The following RGS6 variants were observed in gnomAD, a reference collection of about 807,000 sequenced individuals.
The protein encoded by RGS6 is regulator of G-protein signaling 6.
RGS6 carries 30 observed loss-of-function variants against 78.5 expected under a neutral mutation model. The ratio of observed to expected loss-of-function variants is 0.38; its 90% CI spans 0.29 to 0.52. The LOEUF (loss-of-function observed/expected upper bound fraction) is 0.52, where lower values mean the gene tolerates loss of function less well. Among genes scored for constraint, RGS6 ranks in the 20% least tolerant of loss-of-function variants. The pLI is 0.85. For missense variants in RGS6, 495 were observed against 609.7 expected (o/e 0.81, Z 1.98); for synonymous variants, 206 against 206.0 (o/e 1.00, Z 0.00).
At chr14:72,027,491 GCCCA>G (rs990778945) in intron 2 of RGS6, among the ~76,000 whole-genome samples, 2 of 152,076 alleles carry the variant, frequency 1.3e-5, no homozygotes, top group African/African-American at 4.8e-5. Context: ...TACCAAATCT[GCCCA>G]CCCTCTTCCA....
intron 2 of RGS6, among the ~76,000 whole-genome samples, chr14:72,041,924 A>G (rs1340218700): frequency 6.6e-6 from 1 of 152,114 alleles, no homozygotes; most frequent in Non-Finnish European, 1.5e-5. Context: ...GGGTCAGTAG[A>G]TAAGATTCCA....
chr14:72,353,943 C>A (rs1359396441), intron 3 of RGS6, among the ~76,000 whole-genome samples: 1 of 151,860 alleles, frequency 6.6e-6, no homozygotes, highest in African/African-American at 2.4e-5. Context: ...GAGATCGTGC[C>A]ACTGCACTCC....
At chr14:72,137,829 T>C (rs2096469740) in intron 2 of RGS6, among the ~76,000 whole-genome samples, 1 of 152,174 alleles carries the variant, frequency 6.6e-6, no homozygotes, top group Non-Finnish European at 1.5e-5. Flanking sequence ...TTTTGGGTTT[T>C]TATGGAGGCT....
chr14:72,474,821 A>G (rs112678266), intron 10 of RGS6, 122 bp downstream of exon 10: 51 of 806,012 alleles, frequency 6.3e-5, no homozygotes, highest in African/African-American at 4.6e-4. Context: ...AACCATAACC[A>G]TTTCACAAAT....
chr14:72,188,155 C>T (rs1031009079), intron 2 of RGS6, among the ~76,000 whole-genome samples: 7 of 151,976 alleles, frequency 4.6e-5, no homozygotes, highest in South Asian at 2.1e-4. Flanking sequence ...AGATAAGCTT[C>T]GTCCAGGCCT....
At chr14:71,890,393 A>AGATAGAGAGAGAGAG in the RGS6 span, among the ~76,000 whole-genome samples, 1 of 151,094 alleles carries the variant, frequency 6.6e-6, no homozygotes. Context: ...AGAGAGAGAG[A>AGATAGAGAGAGAGAG]AATCTTGTCT....
chr14:72,068,004 G>C (rs188860246), intron 2 of RGS6, among the ~76,000 whole-genome samples: 14 of 152,272 alleles, frequency 9.2e-5, no homozygotes, highest in African/African-American at 3.1e-4. Flanking sequence ...CATTGCTGTA[G>C]TATTATATTG....
chr14:72,209,731 C>T (rs528329440), intron 2 of RGS6, among the ~76,000 whole-genome samples: 23 of 152,284 alleles, frequency 1.5e-4, no homozygotes, highest in South Asian at 8.3e-4. Context: ...CTTCTCCTTT[C>T]GTTCAGGGAG....
chr14:72,266,429 A>T lies in RGS6; in HGVS notation c.85-85666A>T, dbSNP rs2059083180. Among the ~76,000 whole-genome samples the T allele has an allele frequency of 5.9e-5, 9 of 152,256 alleles. No individual in the cohort carries two copies. In the South Asian group the frequency reaches 1.9e-3, roughly 32 times the overall value. On this transcript the variant is annotated intron_variant, in intron 2 of 17. Coordinates refer to ENST00000553525, the MANE Select transcript of RGS6 (RefSeq NM_001204424.2). ...GGTTGCACAGTTATGCCGTCCTCCC[A>T]GTTTTTACCTAGCCCCCACCTCTCT...
intron 2 of RGS6, among the ~76,000 whole-genome samples, chr14:72,187,379 A>G (rs367997953): frequency 6.6e-6 from 1 of 152,148 alleles, no homozygotes; most frequent in South Asian, 2.1e-4. Flanking sequence ...CTATTCCTCT[A>G]CAAAGCTCAG....
At chr14:72,539,094 T>A (rs145912276) in intron 16 of RGS6, among the ~76,000 whole-genome samples, 164 of 152,304 alleles carry the variant, frequency 1.1e-3, no homozygotes, top group Non-Finnish European at 2.0e-3. Context: ...GCGGTCATTC[T>A]ACTCTCCCGG....
chr14:72,049,239 T>G (rs1409467258), intron 2 of RGS6, among the ~76,000 whole-genome samples: 5 of 152,192 alleles, frequency 3.3e-5, no homozygotes, highest in Admixed American at 3.3e-4. Flanking sequence ...TGGAAAACTT[T>G]CTAGTAATAG....
intron 16 of RGS6, among the ~76,000 whole-genome samples, chr14:72,537,276 C>T (rs1300210529): frequency 6.6e-6 from 1 of 152,216 alleles, no homozygotes; most frequent in East Asian, 1.9e-4. Flanking sequence ...ATGCTCTCCG[C>T]TGGGCTGCCT....
the RGS6 span, among the ~76,000 whole-genome samples, chr14:71,896,570 T>TC: frequency 1.3e-5 from 2 of 152,192 alleles, no homozygotes; most frequent in Non-Finnish European, 2.9e-5. Context: ...ATCCGGTGAC[T>TC]TAGAATGCCT....
intron 2 of RGS6, among the ~76,000 whole-genome samples, chr14:72,305,250 C>G: frequency 6.6e-6 from 1 of 152,094 alleles, no homozygotes; most frequent in Non-Finnish European, 1.5e-5. Context: ...GTTTTGCTGC[C>G]TAGATTTGTA....
At chr14:71,921,225 A>T in the RGS6 span, among the ~76,000 whole-genome samples, 2 of 152,374 alleles carry the variant, frequency 1.3e-5, no homozygotes, top group East Asian at 3.9e-4. Context: ...GGTGTGAAGA[A>T]AGGGAATTCT....
intron 17 of RGS6, among the ~76,000 whole-genome samples, chr14:72,555,248 C>G (rs1354675000): frequency 6.6e-6 from 1 of 152,204 alleles, no homozygotes. Flanking sequence ...TAACACAGGG[C>G]CACAAACAGA....
chr14:72,295,332 A>G (rs73304932), intron 2 of RGS6, among the ~76,000 whole-genome samples: 6 of 151,862 alleles, frequency 4.0e-5, no homozygotes, highest in African/African-American at 1.4e-4. Context: ...ATAAAATCTT[A>G]TCTAGAACTC....
chr14:72,256,174 G>T (rs940294720), intron 2 of RGS6, among the ~76,000 whole-genome samples: 1 of 152,092 alleles, frequency 6.6e-6, no homozygotes, highest in Non-Finnish European at 1.5e-5. Flanking sequence ...CAGAGGCTAG[G>T]GTTTTTAAGG....
Sources: allele counts gnomAD v4.1 joint callset (sites outside exome capture counted in the v4.1 genomes callset), GRCh38; gene constraint gnomAD v4.1.1; transcripts MANE v1.5; gene names NCBI Gene and HGNC (gene_info 2026-07-23, HGNC 2026-07-21).